KCNB2: variants seen among roughly 807,000 people sequenced by gnomAD.
KCNB2 encodes delayed rectifier potassium channel protein.
KCNB2 carries 15 observed loss-of-function variants against 61.5 expected under a neutral mutation model. The ratio of observed to expected loss-of-function variants is 0.24; its 90% CI spans 0.16 to 0.38. The LOEUF is 0.38. Ranked by LOEUF, KCNB2 falls within the 10% of genes least tolerant of loss-of-function variation. The probability of loss-of-function intolerance (pLI) is 1.00; values close to 1 mark genes in which losing one functional copy is unlikely to be tolerated. For synonymous variants in KCNB2, 457 were observed against 446.0 expected (o/e 1.02, Z -0.31); for missense variants, 828 against 1,125.2 (o/e 0.74, Z 3.78).
chr8:72,819,822 T>G (rs2129000978), intron 2 of KCNB2, among the ~76,000 whole-genome samples: 1 of 152,186 alleles, frequency 6.6e-6, no homozygotes, highest in East Asian at 1.9e-4. Context: ...CATCTATGTA[T>G]TCCACTATCT....
At chr8:72,561,077 T>C (rs1267710016) in intron 1 of KCNB2, among the ~76,000 whole-genome samples, 3 of 152,208 alleles carry the variant, frequency 2.0e-5, no homozygotes, top group Non-Finnish European at 4.4e-5. Flanking sequence ...AATGCTTCCT[T>C]TGACCACTGA....
At chr8:72,934,394 CAAAAAAAA>C (rs11392513) in intron 2 of KCNB2, among the ~76,000 whole-genome samples, 1 of 83,852 alleles carries the variant, frequency 1.2e-5, no homozygotes. Flanking sequence ...TCACCCCCCG[CAAAAAAAA>C]AAAAAAAAAA....
chr8:72,681,342 T>A (rs1806748866), intron 2 of KCNB2, among the ~76,000 whole-genome samples: 1 of 152,132 alleles, frequency 6.6e-6, no homozygotes, highest in African/African-American at 2.4e-5. Context: ...AAATTAAAAA[T>A]TTTTAATTTT....
Position 72,597,001 on chromosome 8 carries a change from C to CTTTTT in KCNB2, c.579+28725_579+28729dup, listed in dbSNP as rs869160203. Among the ~76,000 whole-genome samples, 286 of 64,632 alleles carry CTTTTT rather than the reference C, an allele frequency of 4.4e-3. 41 individuals are homozygous for CTTTTT. The highest frequency in any genetic ancestry group is 8.2e-3 in the East Asian group (13 of 1,594). The allele number at this position is 64,632 out of a possible 152,430, so 42.4% of individuals were successfully genotyped here. On this transcript the variant is annotated intron_variant, in intron 2 of 2. Coordinates refer to ENST00000523207, the MANE Select transcript of KCNB2 (RefSeq NM_004770.3). ...GCATGCTTGCTTGCTTGCTTGCTTG[C>CTTTTT]TTTTTTTTTTTTTTTTTTTTTTTTT...
At chr8:72,720,863 C>T (rs750239972) in intron 2 of KCNB2, among the ~76,000 whole-genome samples, 14 of 152,274 alleles carry the variant, frequency 9.2e-5, no homozygotes, top group Middle Eastern at 6.8e-3. Flanking sequence ...AAATACTTTT[C>T]GTTATAACTC....
intron 2 of KCNB2, among the ~76,000 whole-genome samples, chr8:72,850,362 G>A (rs1810078943): frequency 6.6e-6 from 1 of 151,984 alleles, no homozygotes; most frequent in African/African-American, 2.4e-5. Context: ...TGGAACCACA[G>A]GTGCCTGACA....
intron 1 of KCNB2, among the ~76,000 whole-genome samples, chr8:72,542,871 C>A (rs1806209946): frequency 6.6e-6 from 1 of 152,130 alleles, no homozygotes; most frequent in Admixed American, 6.5e-5. Context: ...TGTGCCAAGT[C>A]CTAAGCCAGT....
At chr8:72,755,884 G>T (rs1030582987) in intron 2 of KCNB2, among the ~76,000 whole-genome samples, 1 of 152,152 alleles carries the variant, frequency 6.6e-6, no homozygotes, top group Non-Finnish European at 1.5e-5. Flanking sequence ...TGCAGGACGG[G>T]TATAGGAACC....
At chr8:72,842,207 A>C (rs1047238837) in intron 2 of KCNB2, among the ~76,000 whole-genome samples, 4 of 152,116 alleles carry the variant, frequency 2.6e-5, no homozygotes, top group Non-Finnish European at 5.9e-5. Flanking sequence ...GGTTTTTATC[A>C]TTGGTTCTGT....
At chr8:72,650,050 G>C (rs1350971689) in intron 2 of KCNB2, among the ~76,000 whole-genome samples, 1 of 152,032 alleles carries the variant, frequency 6.6e-6, no homozygotes, top group Non-Finnish European at 1.5e-5. Flanking sequence ...GGATCATAAA[G>C]GAATAAAGCA....
chr8:72,603,189 G>A (rs1040825053), intron 2 of KCNB2, among the ~76,000 whole-genome samples: 6 of 152,046 alleles, frequency 3.9e-5, no homozygotes, highest in East Asian at 1.9e-4. Flanking sequence ...CTCATCAATG[G>A]CTCCTATTGG....
At chr8:72,580,935 C>T (rs1806882443) in intron 2 of KCNB2, among the ~76,000 whole-genome samples, 1 of 152,104 alleles carries the variant, frequency 6.6e-6, no homozygotes, top group Non-Finnish European at 1.5e-5. Context: ...GCAATGATTC[C>T]CCACTGCCTG....
chr8:72,556,821 G>T (rs914596896), intron 1 of KCNB2, among the ~76,000 whole-genome samples: 8 of 152,104 alleles, frequency 5.3e-5, no homozygotes, highest in Non-Finnish European at 8.8e-5. Context: ...TGGTATCTTA[G>T]TCCTTTGGGA....
rs1302439063 is a variant in KCNB2, at chr8:72,900,642, A to G, written c.580-35293A>G. 2.0e-5 allele frequency among the ~76,000 whole-genome samples: 3 copies of G among 152,180 alleles called. 1 individual carries two copies. Among genetic ancestry groups the G allele is most frequent in the Middle Eastern group, 6.3e-3 (2 of 316 alleles). On this transcript the variant is annotated intron_variant, in intron 2 of 2. Coordinates refer to ENST00000523207, the MANE Select transcript of KCNB2 (RefSeq NM_004770.3). Reference sequence around the variant, plus strand: ...CAGAATCTATGAGGATCTTAAACAAAATCAATAAGCAAAAAACAAATAGCC... The same window carrying G: ...CAGAATCTATGAGGATCTTAAACAAGATCAATAAGCAAAAAACAAATAGCC...
At chr8:72,550,456 T>C (rs1383262831) in intron 1 of KCNB2, among the ~76,000 whole-genome samples, 6 of 152,204 alleles carry the variant, frequency 3.9e-5, no homozygotes, top group African/African-American at 1.4e-4. Context: ...CCTAGATCCC[T>C]TGCAGTGCTA....
intron 2 of KCNB2, among the ~76,000 whole-genome samples, chr8:72,827,633 G>C (rs539499640): frequency 7.9e-5 from 12 of 152,146 alleles, no homozygotes; most frequent in African/African-American, 2.7e-4. Context: ...CCTCAGAAAG[G>C]CCTCATTTTT....
At chr8:72,548,012 TA>T (rs1250285769) in intron 1 of KCNB2, among the ~76,000 whole-genome samples, 1 of 152,176 alleles carries the variant, frequency 6.6e-6, no homozygotes, top group Non-Finnish European at 1.5e-5. Flanking sequence ...TCAGCAGCCA[TA>T]AACATCAAGG....
chr8:72,865,511 C>A (rs1382713328), intron 2 of KCNB2, among the ~76,000 whole-genome samples: 1 of 152,124 alleles, frequency 6.6e-6, no homozygotes, highest in Non-Finnish European at 1.5e-5. Flanking sequence ...GTACTTGACA[C>A]TCACTAAATA....
chr8:72,569,640 A>T (rs1806679975), intron 2 of KCNB2, among the ~76,000 whole-genome samples: 1 of 152,036 alleles, frequency 6.6e-6, no homozygotes, highest in East Asian at 1.9e-4. Flanking sequence ...TTGTAAAAAA[A>T]AAATGTGCCG....
Sources: allele counts gnomAD v4.1 joint callset (sites outside exome capture counted in the v4.1 genomes callset), GRCh38; gene constraint gnomAD v4.1.1; transcripts MANE v1.5; gene names NCBI Gene and HGNC (gene_info 2026-07-23, HGNC 2026-07-21).